The following CNBD1 variants were observed in gnomAD, a reference collection of about 807,000 sequenced individuals.
CNBD1 encodes the protein cyclic nucleotide binding domain containing 1, also known as cyclic nucleotide-binding domain-containing protein 1.
In CNBD1, 71 loss-of-function variants were observed where a neutral mutation model predicts 54.4. The observed-to-expected ratio is 1.30, with a 90% CI of 1.08 to 1.59. CNBD1 has a LOEUF of 1.59. Among genes scored for constraint, CNBD1 ranks in the 40% most tolerant of loss-of-function variants. The probability of loss-of-function intolerance (pLI) is 0.00; values close to 1 mark genes in which losing one functional copy is unlikely to be tolerated. For synonymous variants in CNBD1, 182 were observed against 170.7 expected, an observed-to-expected ratio of 1.07 and a Z score of -0.51; for missense variants, 659 against 518.0, an observed-to-expected ratio of 1.27 and a Z score of -2.64.
intron 2 of CNBD1, among the ~76,000 whole-genome samples, chr8:87,400,714 G>T (rs773194632): frequency 1.3e-5 from 2 of 151,854 alleles, no homozygotes; most frequent in East Asian, 1.9e-4. Flanking sequence ...TGATATTCTG[G>T]GGTGGAAAGA....
chr8:86,915,511 A>G (rs1464462537), intron 3 of CNBD1, among the ~76,000 whole-genome samples: 1 of 152,148 alleles, frequency 6.6e-6, no homozygotes, highest in Non-Finnish European at 1.5e-5. Context: ...TATAAACTAA[A>G]TATCTCCCAA....
intron 2 of CNBD1, among the ~76,000 whole-genome samples, chr8:87,399,254 C>G (rs1311050853): frequency 1.3e-5 from 2 of 151,906 alleles, no homozygotes; most frequent in Non-Finnish European, 2.9e-5. Flanking sequence ...AATTTTAAAA[C>G]AGCTGCCAAA....
At chr8:87,391,675 A>C (rs1450333430) in intron 2 of CNBD1, among the ~76,000 whole-genome samples, 2 of 152,082 alleles carry the variant, frequency 1.3e-5, no homozygotes, top group Non-Finnish European at 2.9e-5. Context: ...TTTGCACAAA[A>C]ATTGACTCTA....
intron 4 of CNBD1, among the ~76,000 whole-genome samples, chr8:87,025,271 A>C (rs1021662583): frequency 6.6e-6 from 1 of 152,190 alleles, no homozygotes; most frequent in African/African-American, 2.4e-5. Flanking sequence ...AAATAAGGGA[A>C]TAAAAGCTGG....
chr8:87,358,233 C>T (rs1411970248), intron 10 of CNBD1, among the ~76,000 whole-genome samples: 1 of 152,066 alleles, frequency 6.6e-6, no homozygotes, highest in Middle Eastern at 3.2e-3. Flanking sequence ...GAATGTGTTA[C>T]CAATACTTGC....
chr8:87,281,155 T>C (rs944080513), intron 6 of CNBD1, among the ~76,000 whole-genome samples: 1 of 151,702 alleles, frequency 6.6e-6, no homozygotes, highest in Admixed American at 6.6e-5. Context: ...AGATATTTTA[T>C]GTATATTTTT....
At chr8:87,134,042 T>C (rs1812175158) in intron 4 of CNBD1, among the ~76,000 whole-genome samples, 1 of 152,192 alleles carries the variant, frequency 6.6e-6, no homozygotes, top group Non-Finnish European at 1.5e-5. Context: ...TTACAGTGTT[T>C]GAATTCGAAA....
chr8:87,225,111 T>C (rs1814449097), intron 5 of CNBD1, among the ~76,000 whole-genome samples: 1 of 150,896 alleles, frequency 6.6e-6, no homozygotes, highest in Non-Finnish European at 1.5e-5. Flanking sequence ...GAGACTTTGC[T>C]GAAGTTGCTT....
intron 2 of CNBD1, among the ~76,000 whole-genome samples, chr8:87,392,265 A>T (rs940353705): frequency 2.6e-5 from 4 of 152,082 alleles, no homozygotes; most frequent in Admixed American, 6.6e-5. Flanking sequence ...CAAGTTCAAC[A>T]TATATTTACT....
intron 2 of CNBD1, among the ~76,000 whole-genome samples, chr8:87,396,376 G>C (rs113847406): frequency 0.019 from 2,871 of 151,938 alleles, 92 homozygotes; most frequent in African/African-American, 0.063. Flanking sequence ...GACTTGAAAT[G>C]TTACCTCCTG....
intron 3 of CNBD1, among the ~76,000 whole-genome samples, chr8:86,912,246 T>G (rs1027900117): frequency 6.6e-6 from 1 of 152,206 alleles, no homozygotes; most frequent in South Asian, 2.1e-4. Flanking sequence ...TGTACTAGAT[T>G]GGTAGATATT....
intron 8 of CNBD1, among the ~76,000 whole-genome samples, chr8:87,344,519 A>G (rs1203984504): frequency 6.6e-6 from 1 of 152,106 alleles, no homozygotes; most frequent in Non-Finnish European, 1.5e-5. Context: ...TCTGTATGAA[A>G]TATGATTTTA....
intron 4 of CNBD1, among the ~76,000 whole-genome samples, chr8:87,147,345 C>A (rs141905024): frequency 6.6e-6 from 1 of 152,106 alleles, no homozygotes; most frequent in South Asian, 2.1e-4. Context: ...CATTAGAATA[C>A]TACCTGGGCT....
intron 6 of CNBD1, among the ~76,000 whole-genome samples, chr8:87,248,813 G>A (rs1807857840): frequency 6.6e-6 from 1 of 152,088 alleles, no homozygotes; most frequent in African/African-American, 2.4e-5. Context: ...TTTTGGCTAT[G>A]GTTAGCTTGT....
chr8:87,416,243 A>T lies in CNBD1; in HGVS notation c.214-12303A>T, dbSNP rs188212110. On this transcript the variant is annotated intron_variant, in intron 2 of 7. Transcript: ENST00000521593. Reference sequence around the variant, plus strand: ...AATATATAATAGAATAAGAAGATAAAAATAAGTAGAAAGCTACCATCAGCA... The same window carrying T: ...AATATATAATAGAATAAGAAGATAATAATAAGTAGAAAGCTACCATCAGCA... Among the ~76,000 whole-genome samples the T allele has an allele frequency of 5.3e-5, 8 of 152,184 alleles. No individual in the cohort carries two copies. The East Asian group carries it at 1.5e-3, about 29-fold the overall frequency.
chr8:87,029,924 C>A (rs1313089850), intron 4 of CNBD1, among the ~76,000 whole-genome samples: 1 of 152,056 alleles, frequency 6.6e-6, no homozygotes, highest in Non-Finnish European at 1.5e-5. Context: ...GGCACATATA[C>A]GTGTGTTCAG....
chr8:87,370,897 T>C (rs1810772124), intron 10 of CNBD1, among the ~76,000 whole-genome samples: 1 of 151,360 alleles, frequency 6.6e-6, no homozygotes, highest in Admixed American at 6.6e-5. Context: ...CTTGAATTAA[T>C]TTTTGTATAA....
At chr8:87,184,481 C>T (rs370941372) in intron 4 of CNBD1, among the ~76,000 whole-genome samples, 5 of 152,160 alleles carry the variant, frequency 3.3e-5, no homozygotes, top group South Asian at 2.1e-4. Context: ...GCCTTTCCCA[C>T]GCCAAACCCT....
At chr8:87,311,798 A>G (rs1166950231) in intron 8 of CNBD1, among the ~76,000 whole-genome samples, 1 of 152,096 alleles carries the variant, frequency 6.6e-6, no homozygotes, top group Non-Finnish European at 1.5e-5. Context: ...ATTTGCAGCA[A>G]TATGAATGCA....
Sources: gnomAD v4.1 joint callset for allele counts (sites outside exome capture counted in the v4.1 genomes callset) on GRCh38, gnomAD v4.1.1 for gene constraint, MANE v1.5 for transcripts, NCBI Gene and HGNC (gene_info 2026-07-23, HGNC 2026-07-21) for gene names.